Variants in NALF1 observed in about 807,000 individuals in gnomAD.
NALF1 encodes the protein NALCN channel auxiliary factor 1, also known as family with sequence similarity 155 member A.
NALF1 carries 3 observed loss-of-function variants against 48.4 expected under a neutral mutation model. The ratio of observed to expected loss-of-function variants is 0.06; its 90% confidence interval spans 0.03 to 0.16. The LOEUF (loss-of-function observed/expected upper bound fraction) is 0.16, where lower values mean the gene tolerates loss of function less well. NALF1 is among the 10% of genes least tolerant of loss of function. NALF1 has a pLI of 1.00. For missense variants in NALF1, 526 were observed against 571.5 expected, an observed-to-expected ratio of 0.92 and a Z score of 0.81; for synonymous variants, 262 against 245.7, an observed-to-expected ratio of 1.07 and a Z score of -0.62.
intron 1 of NALF1, among the ~76,000 whole-genome samples, chr13:107,571,310 G>T (rs1877981792): frequency 6.6e-6 from 1 of 152,166 alleles, no homozygotes; most frequent in East Asian, 1.9e-4. Context: ...AGAGTAGCTG[G>T]ACATTTTGGT....
intron 1 of NALF1, among the ~76,000 whole-genome samples, chr13:107,847,536 A>AT (rs1880204926): frequency 6.6e-6 from 1 of 152,220 alleles, no homozygotes; most frequent in Non-Finnish European, 1.5e-5. Flanking sequence ...CATCTGTCTT[A>AT]CTGAGAAACA....
chr13:107,323,918 T>G (rs1171869255), intron 1 of NALF1, among the ~76,000 whole-genome samples: 1 of 152,084 alleles, frequency 6.6e-6, no homozygotes, highest in East Asian at 1.9e-4. Flanking sequence ...TTGATCAGCC[T>G]GAGCAACATA....
chr13:107,836,925 G>C (rs565459611), intron 1 of NALF1, among the ~76,000 whole-genome samples: 1 of 152,296 alleles, frequency 6.6e-6, no homozygotes, highest in African/African-American at 2.4e-5. Context: ...ACACTAACGG[G>C]AAGAATTCTC....
intron 1 of NALF1, among the ~76,000 whole-genome samples, chr13:107,325,888 A>ATG (rs1566485854): frequency 1.0e-4 from 4 of 39,234 alleles, no homozygotes; most frequent in African/African-American, 2.3e-4. Flanking sequence ...ATATATATAT[A>ATG]CACACACACA....
intron 1 of NALF1, among the ~76,000 whole-genome samples, chr13:107,777,694 T>C (rs946597180): frequency 1.3e-5 from 2 of 152,194 alleles, no homozygotes; most frequent in African/African-American, 4.8e-5. Context: ...AGTGAGCCAA[T>C]TAAACCCTTT....
chr13:107,732,657 T>C (rs1381678408), intron 1 of NALF1, among the ~76,000 whole-genome samples: 1 of 152,154 alleles, frequency 6.6e-6, no homozygotes, highest in Non-Finnish European at 1.5e-5. Flanking sequence ...AAGCAGCTTC[T>C]CTTAGGTATT....
intron 1 of NALF1, among the ~76,000 whole-genome samples, chr13:107,406,119 A>G (rs1307109915): frequency 6.6e-6 from 1 of 152,072 alleles, no homozygotes; most frequent in Non-Finnish European, 1.5e-5. Context: ...TTAGGATACA[A>G]CAAACACATC....
intron 1 of NALF1, among the ~76,000 whole-genome samples, chr13:107,352,041 A>G (rs528340489): frequency 2.0e-5 from 3 of 152,226 alleles, no homozygotes; most frequent in Non-Finnish European, 4.4e-5. Context: ...GCAAACATAC[A>G]TGTTACATAT....
At chr13:107,860,582 G>A (rs1373010580) in intron 1 of NALF1, among the ~76,000 whole-genome samples, 3 of 152,060 alleles carry the variant, frequency 2.0e-5, no homozygotes, top group Non-Finnish European at 4.4e-5. Context: ...GACCCCAAAG[G>A]CCACTAATCT....
intron 1 of NALF1, among the ~76,000 whole-genome samples, chr13:107,565,320 G>C (rs1877775314): frequency 6.7e-6 from 1 of 149,146 alleles, no homozygotes; most frequent in Admixed American, 6.7e-5. Context: ...AGGAAGTCAA[G>C]GCTCCAGTGA....
chr13:107,802,479 T>C (rs1418402634), intron 1 of NALF1, among the ~76,000 whole-genome samples: 1 of 152,194 alleles, frequency 6.6e-6, no homozygotes, highest in Non-Finnish European at 1.5e-5. Context: ...TATTTTCTTC[T>C]TGTAATTTGC....
At chr13:107,764,639 G>A (rs145524219) in intron 1 of NALF1, among the ~76,000 whole-genome samples, 3 of 152,240 alleles carry the variant, frequency 2.0e-5, no homozygotes, top group African/African-American at 7.2e-5. Context: ...ACTACATCAA[G>A]ATGACCATTC....
chr13:107,534,508 T>A (rs1360338532), intron 1 of NALF1, among the ~76,000 whole-genome samples: 1 of 152,162 alleles, frequency 6.6e-6, no homozygotes, highest in African/African-American at 2.4e-5. Flanking sequence ...ATATGCAGAA[T>A]GTGCAGGTTT....
At position 107,166,030 on chromosome 13, in the gene NALF1, GTGTGTGTGTGTA is replaced by G. The variant is rs1295350746; in HGVS notation, c.*4455_*4466del. ...GATGTGTGTGTGTGTGTGTGTGTGTGTGTGTGTGTGTATGTATATATATCTTTATATCTCTCT... is the reference window on the plus strand; with the variant it reads ...GATGTGTGTGTGTGTGTGTGTGTGTGTGTATATATATCTTTATATCTCTCT... On this transcript the variant is annotated 3_prime_UTR_variant, in exon 3 of 3. Coordinates refer to ENST00000375915, the MANE Select transcript of NALF1 (RefSeq NM_001080396.3). The G allele has an allele frequency of 6.6e-6, 1 of 152,458 alleles. No individual in the cohort carries two copies. The highest frequency in any genetic ancestry group is 1.5e-5 in the Non-Finnish European group (1 of 68,376). The allele number at this position is 152,458 out of a possible 1,614,324, so 9.4% of individuals were successfully genotyped here.
intron 2 of NALF1, among the ~76,000 whole-genome samples, chr13:107,180,634 T>TAC (rs1007391623): frequency 6.6e-6 from 1 of 151,844 alleles, no homozygotes; most frequent in Non-Finnish European, 1.5e-5. Context: ...TGCATATATA[T>TAC]ACACACACAC....
chr13:107,511,798 A>G (rs909421182), intron 1 of NALF1, among the ~76,000 whole-genome samples: 2 of 152,166 alleles, frequency 1.3e-5, no homozygotes, highest in African/African-American at 4.8e-5. Context: ...CTACAATCAT[A>G]TTGTGATTTT....
At chr13:107,835,530 T>C (rs899231411) in intron 1 of NALF1, 11 of 152,242 alleles carry the variant, frequency 7.2e-5, no homozygotes, top group African/African-American at 2.7e-4. Flanking sequence ...AGGGCTTTTG[T>C]CACTTGAGGC....
chr13:107,285,470 C>T (rs918727802), intron 1 of NALF1, among the ~76,000 whole-genome samples: 3 of 152,170 alleles, frequency 2.0e-5, no homozygotes, highest in African/African-American at 7.2e-5. Context: ...GTAGCTAATG[C>T]ATTTTTTCAC....
intron 1 of NALF1, among the ~76,000 whole-genome samples, chr13:107,731,842 GATAATCCACACATTA>G (rs778750074): frequency 1.2e-4 from 18 of 151,996 alleles, no homozygotes; most frequent in Non-Finnish European, 2.4e-4. Flanking sequence ...TTTGCTATTG[GATAATCCACACATTA>G]ATTTATGCTA....
Sources: gnomAD v4.1 joint callset for allele counts (sites outside exome capture counted in the v4.1 genomes callset) on GRCh38, gnomAD v4.1.1 for gene constraint, MANE v1.5 for transcripts, NCBI Gene and HGNC (gene_info 2026-07-23, HGNC 2026-07-21) for gene names.